KYNU: variants seen among roughly 807,000 people sequenced by gnomAD.
The protein encoded by KYNU is L-kynurenine hydrolase.
A neutral mutation model predicts 59.2 loss-of-function variants in KYNU; 54 were observed. The observed-to-expected ratio is 0.91, with a 90% CI of 0.73 to 1.14. KYNU has a LOEUF of 1.14. Ranked by LOEUF, KYNU falls within the 50% of genes most tolerant of loss-of-function variation. The probability of loss-of-function intolerance (pLI) is 0.00; values close to 1 mark genes in which losing one functional copy is unlikely to be tolerated. For missense variants in KYNU, 567 were observed against 554.4 expected, an observed-to-expected ratio of 1.02 and a Z score of -0.23; for synonymous variants, 177 against 192.0, an observed-to-expected ratio of 0.92 and a Z score of 0.65.
intron 12 of KYNU, among the ~76,000 whole-genome samples, chr2:143,034,628 GAC>G (rs1686841089): frequency 6.6e-6 from 1 of 152,138 alleles, no homozygotes; most frequent in East Asian, 1.9e-4. Context: ...TTGGAAAATA[GAC>G]ACAGTAACGA....
At chr2:142,941,506 A>C (rs1302241051) in intron 4 of KYNU, among the ~76,000 whole-genome samples, 1 of 152,216 alleles carries the variant, frequency 6.6e-6, no homozygotes, top group Non-Finnish European at 1.5e-5. Context: ...GTAGACCTGA[A>C]ACTTCGTAAA....
intron 2 of KYNU, among the ~76,000 whole-genome samples, chr2:142,911,693 C>A (rs192120149): frequency 5.3e-5 from 8 of 152,050 alleles, no homozygotes; most frequent in African/African-American, 1.7e-4. Context: ...TGCCATAGAT[C>A]GCTCTTATTG....
In KYNU at chr2:143,048,050, G is replaced by A. The variant is rs1170240455; in HGVS notation, c.*5878G>A. On this transcript the variant is annotated 3_prime_UTR_variant, in exon 14 of 14. Transcript: ENST00000264170. The stretch of plus-strand genomic sequence containing the variant: ...CATAGAGACAGGATTTCACCATGTT[G>A]GCTAGGCTGGTATCAAACTCCTGAC... 2 of 151,992 alleles carry A rather than the reference G, an allele frequency of 1.3e-5. No individual in the cohort carries two copies. Among genetic ancestry groups the A allele is most frequent in the African/African-American group, 4.8e-5 (2 of 41,370 alleles). 9.4% of individuals were successfully genotyped at this position (151,992 alleles called of 1,614,324 possible).
intron 10 of KYNU, among the ~76,000 whole-genome samples, chr2:143,007,662 G>C (rs952948008): frequency 1.7e-5 from 2 of 116,104 alleles, no homozygotes; most frequent in Non-Finnish European, 3.4e-5. Flanking sequence ...AGAGAGAAAG[G>C]TCGGGTTACC....
At chr2:143,011,305 T>G (rs1156733149) in intron 10 of KYNU, among the ~76,000 whole-genome samples, 1 of 122,552 alleles carries the variant, frequency 8.2e-6, no homozygotes, top group Admixed American at 8.0e-5. Flanking sequence ...AAAAAACACA[T>G]GAAAAAATGC....
chr2:142,878,936 A>C (rs1319366077), intron 1 of KYNU, among the ~76,000 whole-genome samples: 4 of 152,242 alleles, frequency 2.6e-5, no homozygotes, highest in Non-Finnish European at 5.9e-5. Flanking sequence ...CATACAGAGC[A>C]GTTAGGTGAT....
intron 10 of KYNU, among the ~76,000 whole-genome samples, chr2:143,025,197 A>G (rs1278571474): frequency 6.6e-6 from 1 of 151,826 alleles, no homozygotes; most frequent in African/African-American, 2.4e-5. Context: ...TGTTTTCTTT[A>G]TGTATTCATT....
chr2:142,919,902 T>A (rs1460991989), intron 3 of KYNU, among the ~76,000 whole-genome samples: 1 of 152,090 alleles, frequency 6.6e-6, no homozygotes, highest in African/African-American at 2.4e-5. Context: ...TGAAACCTCG[T>A]CTCTACTAAA....
intron 10 of KYNU, chr2:142,989,386 T>C: frequency 1.0e-6 from 1 of 992,746 alleles, no homozygotes; most frequent in Non-Finnish European, 1.2e-6. Flanking sequence ...AAGTGTCCAG[T>C]ATGTAGCCGA....
chr2:142,990,399 A>G lies in KYNU; in HGVS notation c.902+4378A>G, dbSNP rs192126178. ...TAACCCTCATGGCACACTTTAGAGG[A>G]CTATTTAACCTTTCAACTTTAGGGG... On this transcript the variant is annotated intron_variant, in intron 10 of 13. Transcript: ENST00000264170. Among the ~76,000 whole-genome samples, 10 of 151,966 alleles carry G rather than the reference A, an allele frequency of 6.6e-5. No homozygotes were observed. In the East Asian group the frequency reaches 1.9e-3, roughly 30 times the overall value.
At chr2:142,965,080 C>T (rs1285475608) in intron 8 of KYNU, among the ~76,000 whole-genome samples, 1 of 152,180 alleles carries the variant, frequency 6.6e-6, no homozygotes, top group Non-Finnish European at 1.5e-5. Context: ...TTTTTAACCA[C>T]TGCCATAATT....
intron 2 of KYNU, among the ~76,000 whole-genome samples, chr2:142,905,084 G>A (rs1288377615): frequency 1.3e-5 from 2 of 152,150 alleles, no homozygotes. Context: ...TTTGAGTCAG[G>A]AGTGAGATGG....
intron 4 of KYNU, among the ~76,000 whole-genome samples, chr2:142,942,116 A>G (rs1482095886): frequency 2.0e-5 from 3 of 150,626 alleles, no homozygotes; most frequent in Non-Finnish European, 4.4e-5. Flanking sequence ...GTTTGAGGCT[A>G]CAGTGAGCCA....
intron 8 of KYNU, among the ~76,000 whole-genome samples, 197 bp from the exon 9 acceptor site, chr2:142,984,887 G>A (rs1332882601): frequency 1.5e-4 from 23 of 152,000 alleles, no homozygotes; most frequent in Admixed American, 1.2e-3. Flanking sequence ...GTCTTAGCAT[G>A]ATGACAATTG....
At chr2:142,963,075 GTCAA>G (rs1440278168) in intron 8 of KYNU, among the ~76,000 whole-genome samples, 1 of 152,210 alleles carries the variant, frequency 6.6e-6, no homozygotes. Context: ...AGCAATGAGA[GTCAA>G]TCAGGAGGTT....
chr2:142,910,870 T>C (rs1212258951), intron 2 of KYNU, among the ~76,000 whole-genome samples: 2 of 152,158 alleles, frequency 1.3e-5, no homozygotes. Flanking sequence ...TGTTAAAGAT[T>C]AGACTGTTGT....
intron 8 of KYNU, among the ~76,000 whole-genome samples, chr2:142,980,522 T>C (rs9679256): frequency 0.02 from 3,089 of 152,200 alleles, 106 homozygotes; most frequent in African/African-American, 0.069. Flanking sequence ...TACCAAGGAC[T>C]ATGAGTTGCA....
intron 4 of KYNU, chr2:142,947,003 T>C (rs1573823849): frequency 1.3e-6 from 2 of 1,520,848 alleles, no homozygotes; most frequent in African/African-American, 1.4e-5. Context: ...ACAAGTTTAT[T>C]AGTAATTTCA....
At chr2:142,964,505 G>A (rs961634319) in intron 8 of KYNU, 1 of 152,136 alleles carries the variant, frequency 6.6e-6, no homozygotes, top group Non-Finnish European at 1.5e-5. Context: ...ATGCGTGGCA[G>A]TTTTATTTTG....
Sources: allele counts gnomAD v4.1 joint callset (sites outside exome capture counted in the v4.1 genomes callset), GRCh38; gene constraint gnomAD v4.1.1; transcripts MANE v1.5; gene names NCBI Gene and HGNC (gene_info 2026-07-23, HGNC 2026-07-21).